NKAIN1: variants seen among roughly 807,000 people sequenced by gnomAD.
The protein encoded by NKAIN1 is sodium/potassium-transporting ATPase subunit beta-1-interacting protein 1.
In NKAIN1, 13 loss-of-function variants were observed where a neutral mutation model predicts 31.6. The ratio of observed to expected loss-of-function variants is 0.41; its 90% CI spans 0.27 to 0.65. NKAIN1 has a LOEUF of 0.65. Among genes scored for constraint, NKAIN1 ranks in the 30% least tolerant of loss-of-function variants. NKAIN1 has a pLI of 0.30. For missense variants in NKAIN1, 193 were observed against 262.2 expected, an observed-to-expected ratio of 0.74 and a Z score of 1.82; for synonymous variants, 104 against 109.0, an observed-to-expected ratio of 0.95 and a Z score of 0.28.
chr1:31,225,033 C>CTTTTCTTTTTTTTTT lies in NKAIN1; in HGVS notation c.54+14460_54+14461insAAAAAAAAAAGAAAA, dbSNP rs542671307. 4.4e-3 allele frequency among the ~76,000 whole-genome samples: 492 copies of CTTTTCTTTTTTTTTT among 112,030 alleles called. 30 individuals carry two copies. In the East Asian group the frequency reaches 0.097, roughly 22 times the overall value. 73.5% of individuals were successfully genotyped at this position (112,030 alleles called of 152,430 possible). ...AGCCCATTTCTTTTTCTTTTCTTTT[C>CTTTTCTTTTTTTTTT]TTTTTTTTTTTTTGAGACGGACTCT... On this transcript the variant is annotated intron_variant, in intron 1 of 6. Transcript: ENST00000373736.
In NKAIN1 at chr1:31,182,652, T is replaced by G. The variant is rs370605240; in HGVS notation, c.472-62A>C. The G allele has an allele frequency of 2.5e-6, 4 of 1,588,982 alleles. No homozygotes were observed. In the African/African-American group the frequency reaches 5.4e-5, roughly 21 times the overall value. On this transcript the variant is annotated intron_variant, in intron 4 of 6. Coordinates refer to ENST00000373736, the MANE Select transcript of NKAIN1 (RefSeq NM_024522.3). ...AGTGGGAACCTCTTCCTCCGCCCCC[T>G]GCCGGGCCCTGTACGCTCTGACTGG...
intron 1 of NKAIN1, among the ~76,000 whole-genome samples, chr1:31,211,201 A>G (rs1645466275): frequency 6.6e-6 from 1 of 152,188 alleles, no homozygotes; most frequent in Non-Finnish European, 1.5e-5. Context: ...CACACTGGAA[A>G]AGAAGAAGTA....
chr1:31,210,607 C>CA (rs1467674874), intron 1 of NKAIN1, among the ~76,000 whole-genome samples: 5 of 152,116 alleles, frequency 3.3e-5, no homozygotes, highest in African/African-American at 9.7e-5. Context: ...CTTTCAATGG[C>CA]AAAAAACGCA....
Position 31,239,334 on chromosome 1 carries a change from G to C in NKAIN1, c.54+160C>G, listed in dbSNP as rs1569601568. On this transcript the variant is annotated intron_variant, in intron 1 of 6. Coordinates refer to ENST00000373736, the MANE Select transcript of NKAIN1 (RefSeq NM_024522.3). The surrounding 1 kb of genome is among the most constrained non-coding windows in gnomAD (Gnocchi z 4.8). ...CAAAGAGACAGCCCGGCCAGCGGGA[G>C]CAGGCTCCGCCCGACCGCTCCGAGA... Among the ~76,000 whole-genome samples, 1 of 152,070 alleles carries C rather than the reference G, an allele frequency of 6.6e-6. No homozygotes were observed. Among genetic ancestry groups the C allele is most frequent in the African/African-American group, 2.4e-5 (1 of 41,406 alleles).
rs188771008 is a variant in NKAIN1 at position 31,202,332 on chromosome 1, T to C, written c.55-14145A>G. Among the ~76,000 whole-genome samples the C allele has an allele frequency of 3.3e-5, 5 of 152,190 alleles. No homozygotes were observed. The East Asian group carries it at 9.7e-4, about 29-fold the overall frequency. Reference sequence around the variant, plus strand: ...ATATATCTACATTAATTTGCATAAATCCTGGGCCAAACGGCCCAGGGTGCT... The same window carrying C: ...ATATATCTACATTAATTTGCATAAACCCTGGGCCAAACGGCCCAGGGTGCT... On this transcript the variant is annotated intron_variant, in intron 1 of 6. Coordinates refer to ENST00000373736, the MANE Select transcript of NKAIN1 (RefSeq NM_024522.3).
intron 4 of NKAIN1, among the ~76,000 whole-genome samples, chr1:31,183,436 C>CTTTT (rs3046278): frequency 0.021 from 2,261 of 106,028 alleles, 135 homozygotes; most frequent in East Asian, 0.036. Context: ...TTCATTCCCT[C>CTTTT]TTTTTTTTTT....
At chr1:31,191,913 C>T (rs1464649587) in intron 1 of NKAIN1, among the ~76,000 whole-genome samples, 1 of 152,162 alleles carries the variant, frequency 6.6e-6, no homozygotes, top group Admixed American at 6.6e-5. Flanking sequence ...GTAGCTGGGA[C>T]TACAGGCATG....
At chr1:31,230,316 G>A (rs1645638196) in intron 1 of NKAIN1, among the ~76,000 whole-genome samples, 3 of 152,184 alleles carry the variant, frequency 2.0e-5, no homozygotes, top group Admixed American at 6.6e-5. Flanking sequence ...TGGAAGCTCA[G>A]AGAGGTTAGG....
At chr1:31,227,541 A>G (rs548488138) in intron 1 of NKAIN1, among the ~76,000 whole-genome samples, 2 of 152,336 alleles carry the variant, frequency 1.3e-5, no homozygotes, top group East Asian at 1.9e-4. Flanking sequence ...GAGGTGGGTC[A>G]TAAGTGCTCA....
intron 1 of NKAIN1, among the ~76,000 whole-genome samples, chr1:31,216,591 C>T (rs879498174): frequency 1.3e-4 from 20 of 152,132 alleles, no homozygotes; most frequent in Non-Finnish European, 2.5e-4. Context: ...TTAACAGACT[C>T]GCTGCCCTGC....
chr1:31,189,065 G>T (rs1473399335), intron 1 of NKAIN1, among the ~76,000 whole-genome samples: 1 of 151,370 alleles, frequency 6.6e-6, no homozygotes, highest in African/African-American at 2.4e-5. Flanking sequence ...TTGCCAACTT[G>T]CTTCACTTAT....
Position 31,204,914 on chromosome 1 carries a change from C to T in NKAIN1, c.55-16727G>A, listed in dbSNP as rs114430715. On this transcript the variant is annotated intron_variant, in intron 1 of 6. Transcript: ENST00000373736. ...ATGGGACTGAGGCTGCTGGAGAGCC[C>T]GGTAATTATCAGCTCAGGCTCTGCA... is the stretch of plus-strand genomic sequence containing the variant. Among the ~76,000 whole-genome samples the T allele has an allele frequency of 6.1e-3, 925 of 152,170 alleles. 7 individuals are homozygous for T. The highest frequency in any genetic ancestry group is 0.02 in the African/African-American group (846 of 41,520).
chr1:31,206,426 T>G (rs1186185088), intron 1 of NKAIN1, among the ~76,000 whole-genome samples: 1 of 151,794 alleles, frequency 6.6e-6, no homozygotes, highest in Non-Finnish European at 1.5e-5. Flanking sequence ...TTTTTAAATT[T>G]TTATTTATTT....
chr1:31,182,674 C>T, intron 4 of NKAIN1, 84 bp from the exon 5 acceptor site: 3 of 1,482,574 alleles, frequency 2.0e-6, no homozygotes, highest in Non-Finnish European at 2.8e-6. Context: ...TACGCTCTGA[C>T]TGGCAAGGGA....
At chr1:31,222,028 A>G (rs1438243458) in intron 1 of NKAIN1, among the ~76,000 whole-genome samples, 2 of 151,994 alleles carry the variant, frequency 1.3e-5, no homozygotes, top group Admixed American at 6.6e-5. Flanking sequence ...ACAGGCGCCC[A>G]CCACCACACC....
intron 1 of NKAIN1, among the ~76,000 whole-genome samples, chr1:31,194,320 C>G (rs1188724075): frequency 1.3e-5 from 2 of 151,972 alleles, no homozygotes; most frequent in East Asian, 3.9e-4. Context: ...TGCCTTTGAT[C>G]TCTGTTCTCC....
intron 1 of NKAIN1, among the ~76,000 whole-genome samples, chr1:31,212,877 A>T (rs1557658251): frequency 6.6e-6 from 1 of 151,930 alleles, no homozygotes; most frequent in Non-Finnish European, 1.5e-5. Context: ...GGCGCCTGTA[A>T]TCCCAGCTAC....
intron 1 of NKAIN1, among the ~76,000 whole-genome samples, chr1:31,221,352 CTT>C (rs570797547): frequency 5.5e-4 from 84 of 152,294 alleles, no homozygotes; most frequent in African/African-American, 2.0e-3. Context: ...ATCAGCATCA[CTT>C]TGGAACTTGT....
At chr1:31,225,033 C>CTTTTCTTTTTTTTTTCTT (rs542671307) in intron 1 of NKAIN1, among the ~76,000 whole-genome samples, 3 of 112,132 alleles carry the variant, frequency 2.7e-5, no homozygotes, top group African/African-American at 1.3e-4. Flanking sequence ...CTTTTCTTTT[C>CTTTTCTTTTTTTTTTCTT]TTTTTTTTTT....
Sources: allele counts gnomAD v4.1 joint callset (sites outside exome capture counted in the v4.1 genomes callset), GRCh38; gene constraint gnomAD v4.1.1; non-coding constraint Gnocchi (gnomAD v3.1); transcripts MANE v1.5; gene names NCBI Gene and HGNC (gene_info 2026-07-23, HGNC 2026-07-21).